Variants in FAM118B observed in about 807,000 individuals in gnomAD.
FAM118B encodes the protein protein FAM118B.
Under a neutral mutation model 38.5 loss-of-function variants are expected in FAM118B, and 24 were observed. The observed-to-expected ratio is 0.62, with a 90% confidence interval of 0.45 to 0.88. The LOEUF is 0.88. Among genes scored for constraint, FAM118B ranks in the 40% least tolerant of loss-of-function variants. The pLI, the probability that FAM118B is intolerant of heterozygous loss-of-function variation, is 0.00. For synonymous variants in FAM118B, 138 were observed against 156.3 expected (o/e 0.88, Z 0.87); for missense variants, 334 against 420.0 (o/e 0.80, Z 1.79).
chr11:126,212,409 T>G (rs1949895321), intron 1 of FAM118B, among the ~76,000 whole-genome samples: 1 of 152,176 alleles, frequency 6.6e-6, no homozygotes, highest in Non-Finnish European at 1.5e-5. Flanking sequence ...TTATTTTTCC[T>G]CTCCATAGTT....
chr11:126,231,267 A>G (rs1408163064), intron 2 of FAM118B, among the ~76,000 whole-genome samples: 2 of 152,212 alleles, frequency 1.3e-5, no homozygotes, highest in African/African-American at 2.4e-5. Context: ...GTGGCAGAAA[A>G]ACATTTTCCA....
intron 7 of FAM118B, among the ~76,000 whole-genome samples, chr11:126,257,348 C>T (rs866752535): frequency 6.6e-6 from 1 of 152,250 alleles, no homozygotes; most frequent in South Asian, 2.1e-4. Context: ...GATGATTGCA[C>T]AATCACACAA....
Position 126,262,417 on chromosome 11 carries a change from G to A in FAM118B, c.*284G>A, listed in dbSNP as rs902068562. On this transcript the variant is annotated 3_prime_UTR_variant, in exon 9 of 9. Coordinates refer to ENST00000533050, the MANE Select transcript of FAM118B (RefSeq NM_024556.4). ...GGCTAGACATGCTTGTGTCCACACA[G>A]CACACCAATGTGATACTTCCACTGA... 8 of 467,014 alleles carry A rather than the reference G, an allele frequency of 1.7e-5. No homozygotes were observed. The Admixed American group carries it at 2.3e-4, about 13-fold the overall frequency. The allele number at this position is 467,014 out of a possible 1,614,324, so 28.9% of individuals were successfully genotyped here. A position where few individuals can be genotyped will look rare whatever the true frequency, so the allele number is the denominator to read the frequency against.
chr11:126,261,518 T>A, intron 8 of FAM118B, 34 bp downstream of exon 8: 1 of 1,564,778 alleles, frequency 6.4e-7, no homozygotes, highest in Non-Finnish European at 8.8e-7. Context: ...TTTATCACTC[T>A]GTAGCAGAAA....
At chr11:126,258,760 A>G (rs1950622577) in intron 7 of FAM118B, among the ~76,000 whole-genome samples, 1 of 152,238 alleles carries the variant, frequency 6.6e-6, no homozygotes, top group Non-Finnish European at 1.5e-5. Context: ...CTTTTGATCT[A>G]TATGCTGAGG....
At position 126,250,517 on chromosome 11, in the gene FAM118B, T is replaced by C. The variant is rs760842145; in HGVS notation, c.351T>C (p.Asn117=). The change falls in exon 5 of 9, where the codon AAT becomes AAC. Residue 117 remains asparagine (N), a synonymous_variant. Coordinates refer to ENST00000533050, the MANE Select transcript of FAM118B (RefSeq NM_024556.4). This position sits in a 1 kb window ranked among gnomAD's most constrained non-coding sequence, Gnocchi z 5.1. ...AAATCCCTCCTCAGCGTACCAGTAATGTTCGATCCACATTTTTCAAGGACT... is the reference window on the plus strand; with the variant it reads ...AAATCCCTCCTCAGCGTACCAGTAACGTTCGATCCACATTTTTCAAGGACT... ...LIQKLSPRTS[N]VRSTFFKDCL... is the part of the protein sequence containing the mutation. The C allele has an allele frequency of 6.2e-7, 1 of 1,613,380 alleles. No individual in the cohort carries two copies. Among genetic ancestry groups the C allele is most frequent in the Non-Finnish European group, 8.5e-7 (1 of 1,179,312 alleles).
rs574171735 is a variant in FAM118B at position 126,252,268 on chromosome 11, T to C, written c.567+1535T>C. 1.3e-5 allele frequency among the ~76,000 whole-genome samples: 2 copies of C among 152,348 alleles called. No individual in the cohort carries two copies. Among genetic ancestry groups the C allele is most frequent in the South Asian group, 4.1e-4 (2 of 4,830 alleles). ...TCCCAAAGTGCTGGGATTACAGGCA[T>C]GAGCCACCACACCCAGCACAGTTTT... On this transcript the variant is annotated intron_variant, in intron 5 of 8. Coordinates refer to ENST00000533050, the MANE Select transcript of FAM118B (RefSeq NM_024556.4). This position sits in a 1 kb window ranked among gnomAD's most constrained non-coding sequence, Gnocchi z 4.7.
intron 3 of FAM118B, among the ~76,000 whole-genome samples, chr11:126,236,170 T>C (rs1213673905): frequency 6.6e-6 from 1 of 152,234 alleles, no homozygotes; most frequent in Non-Finnish European, 1.5e-5. Context: ...ACATCTCTCC[T>C]GTATCGATTC....
In FAM118B at chr11:126,250,619, C is replaced by T. The variant is rs770819406; in HGVS notation, c.453C>T (p.His151=). ...SGKQLLQSVL[H]LMENGALVLT... is the part of the protein sequence containing the mutation. ...AACAGCTACTTCAGTCAGTTCTCCACCTGATGGAAAATGGAGCCCTCGTAT... is the reference window on the plus strand; with the variant it reads ...AACAGCTACTTCAGTCAGTTCTCCATCTGATGGAAAATGGAGCCCTCGTAT... The change falls in exon 5 of 9, where the codon CAC becomes CAT. Residue 151 remains histidine, a synonymous_variant. Transcript: ENST00000533050. This position sits in a 1 kb window ranked among gnomAD's most constrained non-coding sequence, Gnocchi z 5.1. 44 of 1,613,738 alleles carry T rather than the reference C, an allele frequency of 2.7e-5. No homozygotes were observed. The highest frequency in any genetic ancestry group is 2.7e-5 in the Non-Finnish European group (32 of 1,179,758).
At position 126,211,788 on chromosome 11, in the gene FAM118B, G is replaced by A; in HGVS notation, c.-119G>A. On this transcript the variant is annotated 5_prime_UTR_variant, in exon 1 of 9. Transcript: ENST00000533050. ...GTGCGCGCTCAGTGCGGCTGCGCCGGCCGGTAGCTGCAGCTGGAGCAGTGG... is the reference window on the plus strand; with the variant it reads ...GTGCGCGCTCAGTGCGGCTGCGCCGACCGGTAGCTGCAGCTGGAGCAGTGG... 1.3e-6 allele frequency: 1 copy of A among 794,726 alleles called. No individual in the cohort carries two copies. The highest frequency in any genetic ancestry group is 2.0e-6 in the Non-Finnish European group (1 of 508,256). 49.2% of individuals were successfully genotyped at this position (794,726 alleles called of 1,614,324 possible). A position where few individuals can be genotyped will look rare whatever the true frequency, so the allele number is the denominator to read the frequency against.
chr11:126,213,798 A>C (rs940201377), intron 1 of FAM118B, among the ~76,000 whole-genome samples: 2 of 152,240 alleles, frequency 1.3e-5, no homozygotes, highest in African/African-American at 4.8e-5. Context: ...CACAGAGCTT[A>C]TGCTCTAGGG....
At chr11:126,240,580 T>C (rs1448186958) in intron 3 of FAM118B, among the ~76,000 whole-genome samples, 3 of 152,336 alleles carry the variant, frequency 2.0e-5, no homozygotes, top group Admixed American at 2.0e-4. Flanking sequence ...TTGGGATTCC[T>C]GAAATAGGTT....
chr11:126,230,236 C>T (rs1950191127), intron 2 of FAM118B, among the ~76,000 whole-genome samples: 1 of 152,164 alleles, frequency 6.6e-6, no homozygotes, highest in Non-Finnish European at 1.5e-5. Flanking sequence ...ATCAACTACC[C>T]AAGCAAAGTC....
chr11:126,223,646 T>C (rs1283844740), intron 1 of FAM118B, among the ~76,000 whole-genome samples: 1 of 152,172 alleles, frequency 6.6e-6, no homozygotes, highest in Admixed American at 6.5e-5. Flanking sequence ...AATTGTATTT[T>C]AGATAGATTT....
chr11:126,215,914 G>A (rs1949972470), intron 1 of FAM118B, among the ~76,000 whole-genome samples: 2 of 151,896 alleles, frequency 1.3e-5, no homozygotes, highest in South Asian at 4.2e-4. Context: ...AGGCTGAGGT[G>A]GGAGGATCAT....
chr11:126,262,084 A>T, intron 8 of FAM118B, 36 bp from the exon 9 acceptor site: 1 of 1,613,462 alleles, frequency 6.2e-7, no homozygotes, highest in African/African-American at 1.3e-5. Flanking sequence ...CTGTTTTGTG[A>T]AACTTCATTT....
chr11:126,241,053 C>T lies in FAM118B; in HGVS notation c.339+9C>T, dbSNP rs1950350337. ...TCCAGAAACTCTCTCCTGTGAGTACCCTAGTATGTGCCACAGTATTTGGAA... is the reference window on the plus strand; with the variant it reads ...TCCAGAAACTCTCTCCTGTGAGTACTCTAGTATGTGCCACAGTATTTGGAA... On this transcript the variant is annotated intron_variant, in intron 4 of 8. Coordinates refer to ENST00000533050, the MANE Select transcript of FAM118B (RefSeq NM_024556.4). 1.3e-6 allele frequency: 2 copies of T among 1,563,086 alleles called. No homozygotes were observed. Among genetic ancestry groups the T allele is most frequent in the Non-Finnish European group, 1.7e-6 (2 of 1,154,466 alleles).
chr11:126,214,503 G>GTTTTTTTTTTTTTTTTTTTTTTTTTTT lies in FAM118B; in HGVS notation c.-77+2683_-77+2684insTTTTTTTTTTTTTTTTTTTTTTTTTTT, dbSNP rs769565375. The GTTTTTTTTTTTTTTTTTTTTTTTTTTT allele has an allele frequency of 5.0e-4, 14 of 28,266 alleles. 1 individual carries two copies. The highest frequency in any genetic ancestry group is 9.7e-4 in the Non-Finnish European group (13 of 13,354). 1.8% of individuals were successfully genotyped at this position (28,266 alleles called of 1,614,324 possible). On this transcript the variant is annotated intron_variant, in intron 1 of 8. Coordinates refer to ENST00000533050, the MANE Select transcript of FAM118B (RefSeq NM_024556.4). Reference sequence around the variant, plus strand: ...TCTTTTGTTTCTGTTTTTTTTTTTTGTTTTTTTTTTGTTTTTTTTTTTTTA... The same window carrying GTTTTTTTTTTTTTTTTTTTTTTTTTTT: ...TCTTTTGTTTCTGTTTTTTTTTTTTGTTTTTTTTTTTTTTTTTTTTTTTTTTTTTTTTTTTTTGTTTTTTTTTTTTTA...
At chr11:126,217,438 A>G (rs1949994945) in intron 1 of FAM118B, among the ~76,000 whole-genome samples, 1 of 152,136 alleles carries the variant, frequency 6.6e-6, no homozygotes, top group South Asian at 2.1e-4. Flanking sequence ...TCTGTCAAAT[A>G]CTGTTCACTG....
Sources: allele counts gnomAD v4.1 joint callset (sites outside exome capture counted in the v4.1 genomes callset), GRCh38; gene constraint gnomAD v4.1.1; non-coding constraint Gnocchi (gnomAD v3.1); transcripts MANE v1.5; gene names NCBI Gene and HGNC (gene_info 2026-07-23, HGNC 2026-07-21).